SRFBP1: variants seen among roughly 807,000 people sequenced by gnomAD.
SRFBP1 encodes the protein serum response factor-binding protein 1.
In SRFBP1, 47 loss-of-function variants were observed where a neutral mutation model predicts 45.5. The observed-to-expected ratio is 1.03, with a 90% CI of 0.82 to 1.32. The LOEUF (loss-of-function observed/expected upper bound fraction) is 1.32. Among genes scored for constraint, SRFBP1 ranks in the 40% most tolerant of loss-of-function variants. The pLI is 0.00. For missense variants in SRFBP1, 621 were observed against 484.6 expected (o/e 1.28, Z -2.64); for synonymous variants, 203 against 166.3 (o/e 1.22, Z -1.70).
intron 3 of SRFBP1, among the ~76,000 whole-genome samples, chr5:121,989,899 C>G (rs1752587713): frequency 6.6e-6 from 1 of 152,098 alleles, no homozygotes. Context: ...TATTTGTTCT[C>G]TTTCAACTTT....
Position 121,964,195 on chromosome 5 carries a change from C to CT in SRFBP1, c.36+2137dup, listed in dbSNP as rs140145683. Among the ~76,000 whole-genome samples the CT allele has an allele frequency of 2.7e-3, 395 of 149,006 alleles. 3 individuals are homozygous for CT. Among genetic ancestry groups the CT allele is most frequent in the African/African-American group, 9.3e-3 (379 of 40,678 alleles). On this transcript the variant is annotated intron_variant, in intron 1 of 7. Transcript: ENST00000339397. ...ACATTGACTCTTCTCAAACTTTAATCTTTTTTTTTTATATGTATACTTTAA... is the reference window on the plus strand; with the variant it reads ...ACATTGACTCTTCTCAAACTTTAATCTTTTTTTTTTTATATGTATACTTTAA...
At chr5:122,038,766 T>C (rs1210186517) in intron 2 of SRFBP1, among the ~76,000 whole-genome samples, 2 of 152,210 alleles carry the variant, frequency 1.3e-5, no homozygotes, top group Non-Finnish European at 2.9e-5. Context: ...GACACCCTCC[T>C]CTCAAAAACT....
intron 3 of SRFBP1, among the ~76,000 whole-genome samples, chr5:121,979,819 A>G (rs1230488240): frequency 1.3e-5 from 2 of 152,146 alleles, no homozygotes; most frequent in Non-Finnish European, 2.9e-5. Flanking sequence ...GAGAGCGTTT[A>G]CATTTTGAAA....
At position 121,962,001 on chromosome 5, in the gene SRFBP1, A is replaced by G; in HGVS notation, c.-32A>G. The G allele has an allele frequency of 6.2e-7, 1 of 1,613,562 alleles. No individual in the cohort carries two copies. Among genetic ancestry groups the G allele is most frequent in the Non-Finnish European group, 8.5e-7 (1 of 1,179,868 alleles). Reference sequence around the variant, plus strand: ...CGGTCTGAGAGACCGGTTCACGTGCAGGCAGCGGCGGATCATATTCCTTCA... The same window carrying G: ...CGGTCTGAGAGACCGGTTCACGTGCGGGCAGCGGCGGATCATATTCCTTCA... On this transcript the variant is annotated 5_prime_UTR_variant, in exon 1 of 8. Coordinates refer to ENST00000339397, the MANE Select transcript of SRFBP1 (RefSeq NM_152546.3).
intron 2 of SRFBP1, among the ~76,000 whole-genome samples, chr5:122,041,256 C>A (rs569989068): frequency 6.6e-6 from 1 of 151,980 alleles, no homozygotes. Context: ...TGAATCAATC[C>A]CCTAAGGAAA....
chr5:121,976,501 T>G (rs1462209976), intron 3 of SRFBP1, among the ~76,000 whole-genome samples: 3 of 151,938 alleles, frequency 2.0e-5, no homozygotes, highest in Non-Finnish European at 4.4e-5. Flanking sequence ...CTATGAGAAA[T>G]AAAATCTTTA....
At chr5:122,036,465 C>G (rs1057201990) in intron 2 of SRFBP1, among the ~76,000 whole-genome samples, 1 of 152,170 alleles carries the variant, frequency 6.6e-6, no homozygotes, top group South Asian at 2.1e-4. Flanking sequence ...GGGACTGGCT[C>G]TTGGACAGCT....
intron 7 of SRFBP1, among the ~76,000 whole-genome samples, chr5:122,022,950 A>T (rs1734883761): frequency 6.6e-6 from 1 of 152,216 alleles, no homozygotes; most frequent in South Asian, 2.1e-4. Context: ...TGTTCCACAT[A>T]GTCATTCAAG....
At chr5:122,019,953 C>T (rs1011300719) in intron 5 of SRFBP1, 135 bp from the exon 6 acceptor site, 22 of 484,358 alleles carry the variant, frequency 4.5e-5, no homozygotes, top group East Asian at 2.7e-4. Flanking sequence ...GAATTCAGAC[C>T]GAGTATATGT....
intron 2 of SRFBP1, chr5:122,069,883 C>T (rs1296938966): frequency 4.6e-6 from 3 of 657,578 alleles, no homozygotes; most frequent in African/African-American, 1.8e-5. Context: ...TTCTCCTTTG[C>T]CTTCCATTAT....
At chr5:122,001,351 GGGC>G (rs1180718918) in intron 4 of SRFBP1, among the ~76,000 whole-genome samples, 97 of 150,098 alleles carry the variant, frequency 6.5e-4, no homozygotes, top group African/African-American at 1.9e-3. Flanking sequence ...AGATGATTTA[GGGC>G]CATGATTTCC....
At chr5:121,978,023 T>C (rs1341319024) in intron 3 of SRFBP1, among the ~76,000 whole-genome samples, 10 of 152,176 alleles carry the variant, frequency 6.6e-5, no homozygotes, top group Non-Finnish European at 4.4e-5. Context: ...TATCAACACT[T>C]ATAGATCAGT....
At chr5:122,056,050 G>A (rs919935783) in intron 2 of SRFBP1, among the ~76,000 whole-genome samples, 12 of 152,216 alleles carry the variant, frequency 7.9e-5, no homozygotes, top group African/African-American at 2.2e-4. Context: ...TCTCATAGGT[G>A]AAAAAATTAG....
intron 4 of SRFBP1, among the ~76,000 whole-genome samples, chr5:122,001,612 A>ATTGC: frequency 7.8e-6 from 1 of 127,814 alleles, no homozygotes; most frequent in East Asian, 2.3e-4. Flanking sequence ...CGGACTGCGG[A>ATTGC]TTGCAGTGGC....
chr5:122,025,950 C>T (rs568460251), intron 7 of SRFBP1, among the ~76,000 whole-genome samples: 17 of 152,084 alleles, frequency 1.1e-4, no homozygotes, highest in South Asian at 2.1e-4. Flanking sequence ...ATTAGCCAGG[C>T]ATAGTGGCAC....
chr5:121,966,202 G>A (rs553313940), intron 1 of SRFBP1, among the ~76,000 whole-genome samples: 9 of 152,116 alleles, frequency 5.9e-5, no homozygotes, highest in East Asian at 1.9e-4. Flanking sequence ...TGATTACCCC[G>A]GCCAGAACTT....
At chr5:122,016,284 C>T (rs902388969) in intron 4 of SRFBP1, among the ~76,000 whole-genome samples, 2 of 152,104 alleles carry the variant, frequency 1.3e-5, no homozygotes, top group Admixed American at 6.5e-5. Context: ...TATCCTTCCT[C>T]ATTTTAGGGG....
intron 3 of SRFBP1, among the ~76,000 whole-genome samples, chr5:121,984,758 C>G (rs188440921): frequency 6.6e-6 from 1 of 151,656 alleles, no homozygotes; most frequent in Non-Finnish European, 1.5e-5. Flanking sequence ...TGAAAAGTTA[C>G]GCTAAAACTA....
intron 2 of SRFBP1, among the ~76,000 whole-genome samples, chr5:122,046,962 G>A (rs1487641059): frequency 6.6e-6 from 1 of 152,132 alleles, no homozygotes. Flanking sequence ...TGTCAGATGA[G>A]TAGGTTGCAG....
Sources: gnomAD v4.1 joint callset for allele counts (sites outside exome capture counted in the v4.1 genomes callset) on GRCh38, gnomAD v4.1.1 for gene constraint, MANE v1.5 for transcripts, NCBI Gene and HGNC (gene_info 2026-07-23, HGNC 2026-07-21) for gene names.